PTPRM: variants seen among roughly 807,000 people sequenced by gnomAD.
The protein encoded by PTPRM is protein tyrosine phosphatase receptor type M.
PTPRM carries 47 observed loss-of-function variants against 186.7 expected under a neutral mutation model. That is an observed-to-expected ratio of 0.25 (90% CI 0.20 to 0.32). The LOEUF (loss-of-function observed/expected upper bound fraction) is 0.32. Ranked by LOEUF, PTPRM falls within the 10% of genes least tolerant of loss-of-function variation. The pLI is 1.00. For synonymous variants in PTPRM, 668 were observed against 674.9 expected (o/e 0.99, Z 0.16); for missense variants, 1,494 against 1,865.0 (o/e 0.80, Z 3.66).
chr18:8,063,303 G>T lies in PTPRM; in HGVS notation c.1133-6383G>T, dbSNP rs557989022. Among the ~76,000 whole-genome samples the T allele has an allele frequency of 7.5e-3, 1,133 of 150,744 alleles. 13 individuals are homozygous for T. Among genetic ancestry groups the T allele is most frequent in the South Asian group, 0.029 (138 of 4,790 alleles). ...CGCTTCCCAGGTGAGGCAATGCCTC[G>T]CCCTGCTTCGGCTTGCGCACACCCA... On this transcript the variant is annotated intron_variant, in intron 7 of 32. Transcript: ENST00000580170.
At chr18:7,781,863 G>A (rs1440477137) in intron 2 of PTPRM, among the ~76,000 whole-genome samples, 3 of 152,014 alleles carry the variant, frequency 2.0e-5, no homozygotes, top group Non-Finnish European at 2.9e-5. Flanking sequence ...TGAAAATTGA[G>A]TTACTCTCCT....
At chr18:7,985,078 TATAA>T (rs2082840355) in intron 7 of PTPRM, among the ~76,000 whole-genome samples, 1 of 129,374 alleles carries the variant, frequency 7.7e-6, no homozygotes, top group African/African-American at 3.0e-5. Flanking sequence ...TATATACATA[TATAA>T]ATATATACAT....
intron 2 of PTPRM, among the ~76,000 whole-genome samples, chr18:7,842,839 T>TAGAGAGAGAGAGAGAGAGAGAGAAAC (rs1336393443): frequency 1.2e-5 from 1 of 85,258 alleles, no homozygotes; most frequent in African/African-American, 4.3e-5. Context: ...TATATATATA[T>TAGAGAGAGAGAGAGAGAGAGAGAAAC]ATAGAGAGAG....
In PTPRM at chr18:8,358,905, G is replaced by T. The variant is rs114214729; in HGVS notation, c.3055-11985G>T. On this transcript the variant is annotated intron_variant, in intron 23 of 32. Coordinates refer to ENST00000580170, the MANE Select transcript of PTPRM (RefSeq NM_001105244.2). Reference sequence around the variant, plus strand: ...TTCTGTGTACTGCCCTCCTTCTGTTGATTTCTTCTACATTGGAAGAAGAGA... The same window carrying T: ...TTCTGTGTACTGCCCTCCTTCTGTTTATTTCTTCTACATTGGAAGAAGAGA... Among the ~76,000 whole-genome samples, 529 of 152,276 alleles carry T rather than the reference G, an allele frequency of 3.5e-3. 2 individuals are homozygous for T. Among genetic ancestry groups the T allele is most frequent in the African/African-American group, 0.012 (497 of 41,554 alleles).
chr18:7,955,522 C>T (rs1599712105), intron 7 of PTPRM, 108 bp downstream of exon 7: 10 of 1,321,280 alleles, frequency 7.6e-6, no homozygotes, highest in Non-Finnish European at 1.0e-5. Flanking sequence ...TCTATCAAAA[C>T]CTGCATATGA....
At chr18:7,721,956 GT>G (rs80351310) in intron 1 of PTPRM, among the ~76,000 whole-genome samples, 2,696 of 152,262 alleles carry the variant, frequency 0.018, 161 homozygotes, top group East Asian at 0.13. Flanking sequence ...TTGAATTTGT[GT>G]AGTGTATTTG....
chr18:8,203,392 C>G (rs2093884722), intron 14 of PTPRM, among the ~76,000 whole-genome samples: 1 of 152,168 alleles, frequency 6.6e-6, no homozygotes, highest in Admixed American at 6.5e-5. Context: ...AACTGGCTTT[C>G]ATTCTTTAAA....
At chr18:7,675,151 G>A (rs2039305503) in intron 1 of PTPRM, among the ~76,000 whole-genome samples, 1 of 152,196 alleles carries the variant, frequency 6.6e-6, no homozygotes, top group African/African-American at 2.4e-5. Flanking sequence ...AAATAATCCT[G>A]CTTCGTAAAT....
intron 7 of PTPRM, among the ~76,000 whole-genome samples, chr18:8,029,205 C>G (rs1600151889): frequency 6.6e-6 from 1 of 150,720 alleles, no homozygotes; most frequent in Admixed American, 6.6e-5. Flanking sequence ...CTCTCCTCCA[C>G]CTGTCCTGCC....
intron 14 of PTPRM, among the ~76,000 whole-genome samples, chr18:8,189,808 A>G (rs182576231): frequency 1.2e-3 from 183 of 152,328 alleles, no homozygotes; most frequent in African/African-American, 4.1e-3. Context: ...TTTAAAATCC[A>G]ACAAGATAGT....
At chr18:8,172,403 T>G (rs1490792566) in intron 14 of PTPRM, among the ~76,000 whole-genome samples, 2 of 152,030 alleles carry the variant, frequency 1.3e-5, no homozygotes, top group Non-Finnish European at 2.9e-5. Flanking sequence ...ACTGGGAAAT[T>G]TATCTTTGTA....
At position 8,041,491 on chromosome 18, in the gene PTPRM, T is replaced by A. The variant is rs987002417; in HGVS notation, c.1133-28195T>A. ...AAGAAAAAAAAAAGGCCAAGCATAT[T>A]TGTCATTTCTACTACAGTGTGGTTA... On this transcript the variant is annotated intron_variant, in intron 7 of 32. Coordinates refer to ENST00000580170, the MANE Select transcript of PTPRM (RefSeq NM_001105244.2). Among the ~76,000 whole-genome samples the A allele has an allele frequency of 5.3e-5, 8 of 152,190 alleles. No homozygotes were observed. The East Asian group carries it at 1.5e-3, about 29-fold the overall frequency.
intron 1 of PTPRM, among the ~76,000 whole-genome samples, chr18:7,744,840 C>G (rs1165144056): frequency 6.6e-6 from 1 of 152,116 alleles, no homozygotes; most frequent in African/African-American, 2.4e-5. Context: ...AAGAAAAAAA[C>G]AAAAGCTAAG....
rs138978823 is a variant in PTPRM at position 7,888,182 on chromosome 18, A to G, written c.273A>G (p.Glu91=). ...RAHLLLPQLK[E]NDTHCIDFHY... ...ACCTGCTCTTACCCCAACTTAAAGA[A>G]AATGACACCCACTGCATCGATTTTC... The change falls in exon 3 of 33, where the codon GAA becomes GAG. Residue 91 remains glutamate (E), a synonymous_variant. Coordinates refer to ENST00000580170, the MANE Select transcript of PTPRM (RefSeq NM_001105244.2). The G allele has an allele frequency of 7.4e-6, 12 of 1,614,022 alleles. No homozygotes were observed. The highest frequency in any genetic ancestry group is 1.3e-5 in the African/African-American group (1 of 74,914).
intron 14 of PTPRM, among the ~76,000 whole-genome samples, chr18:8,232,923 G>A (rs961752545): frequency 9.9e-5 from 15 of 152,136 alleles, no homozygotes; most frequent in African/African-American, 3.6e-4. Flanking sequence ...GGGGGTGGTG[G>A]TTGTCAGGTA....
chr18:8,019,594 C>G (rs1448086880), intron 7 of PTPRM, among the ~76,000 whole-genome samples: 1 of 151,398 alleles, frequency 6.6e-6, no homozygotes, highest in Non-Finnish European at 1.5e-5. Context: ...CTTTTCTTTT[C>G]TTTTCTTTTT....
chr18:8,162,318 C>G (rs566727853), intron 14 of PTPRM, among the ~76,000 whole-genome samples: 75 of 152,322 alleles, frequency 4.9e-4, no homozygotes, highest in African/African-American at 1.8e-3. Flanking sequence ...CCAGGCTGGC[C>G]TTGAACTCCT....
chr18:7,852,653 C>G (rs992445305), intron 2 of PTPRM, among the ~76,000 whole-genome samples: 1 of 151,944 alleles, frequency 6.6e-6, no homozygotes, highest in African/African-American at 2.4e-5. Context: ...CCACTGCACT[C>G]CAGCCTGGGC....
chr18:8,252,899 G>C (rs1247381834), intron 18 of PTPRM, among the ~76,000 whole-genome samples: 1 of 152,136 alleles, frequency 6.6e-6, no homozygotes, highest in Admixed American at 6.5e-5. Flanking sequence ...TACAAGACTG[G>C]TTTTGCACCA....
Sources: gnomAD v4.1 joint callset for allele counts (sites outside exome capture counted in the v4.1 genomes callset) on GRCh38, gnomAD v4.1.1 for gene constraint, MANE v1.5 for transcripts, NCBI Gene and HGNC (gene_info 2026-07-23, HGNC 2026-07-21) for gene names.